LINGO2: variants seen among roughly 807,000 people sequenced by gnomAD.
LINGO2 encodes leucine rich repeat and Ig domain containing 2, also known as leucine-rich repeat and immunoglobulin-like domain-containing nogo receptor-interacting protein 2.
Under a neutral mutation model 30.6 loss-of-function variants are expected in LINGO2, and 14 were observed. The ratio of observed to expected loss-of-function variants is 0.46; its 90% CI spans 0.30 to 0.72. LINGO2 has a LOEUF of 0.72. Ranked by LOEUF, LINGO2 falls within the 30% of genes least tolerant of loss-of-function variation. The pLI is 0.07. For synonymous variants in LINGO2, 317 were observed against 288.5 expected (o/e 1.10, Z -1.00); for missense variants, 729 against 751.7 (o/e 0.97, Z 0.35).
intron 4 of LINGO2, among the ~76,000 whole-genome samples, chr9:28,292,938 C>T (rs10968444): frequency 0.072 from 10,936 of 151,146 alleles, 713 homozygotes; most frequent in East Asian, 0.39. Context: ...GCTTGGATAA[C>T]TTTTTTTGTA....
At chr9:29,152,030 A>C in the LINGO2 span, among the ~76,000 whole-genome samples, 1 of 152,204 alleles carries the variant, frequency 6.6e-6, no homozygotes, top group African/African-American at 2.4e-5. Context: ...TCTGAAAAGA[A>C]GACATACAAG....
chr9:28,848,061 A>ATATAGTG, the LINGO2 span, among the ~76,000 whole-genome samples: 3 of 49,736 alleles, frequency 6.0e-5, no homozygotes, highest in South Asian at 6.5e-4. Flanking sequence ...ATATATATAT[A>ATATAGTG]TGTATATAAT....
intron 3 of LINGO2, among the ~76,000 whole-genome samples, chr9:28,315,725 C>A (rs1824819620): frequency 6.6e-6 from 1 of 152,106 alleles, no homozygotes; most frequent in South Asian, 2.1e-4. Context: ...ATGAGAACAT[C>A]CACTGTAGTT....
At chr9:28,439,097 T>C (rs1333577040) in intron 2 of LINGO2, among the ~76,000 whole-genome samples, 1 of 147,994 alleles carries the variant, frequency 6.8e-6, no homozygotes. Context: ...CTATACATTA[T>C]ATATAATGAA....
chr9:28,817,237 T>TAA, the LINGO2 span, among the ~76,000 whole-genome samples: 2 of 148,344 alleles, frequency 1.3e-5, no homozygotes, highest in African/African-American at 5.0e-5. Flanking sequence ...TGACTTAAGA[T>TAA]AAAAAAAAAA....
At chr9:28,321,788 T>A (rs1825052367) in intron 3 of LINGO2, among the ~76,000 whole-genome samples, 1 of 152,064 alleles carries the variant, frequency 6.6e-6, no homozygotes, top group Non-Finnish European at 1.5e-5. Context: ...ATGTCCTGGG[T>A]TGGGACAAGG....
At chr9:28,294,140 A>T (rs186385787) in intron 4 of LINGO2, among the ~76,000 whole-genome samples, 1 of 152,244 alleles carries the variant, frequency 6.6e-6, no homozygotes, top group African/African-American at 2.4e-5. Flanking sequence ...TCATTAGGGA[A>T]TTGAAAGTTA....
At chr9:28,830,020 C>T in the LINGO2 span, among the ~76,000 whole-genome samples, 2 of 152,250 alleles carry the variant, frequency 1.3e-5, no homozygotes, top group African/African-American at 4.8e-5. Flanking sequence ...TATCTGACAA[C>T]AAGACAGATT....
chr9:28,382,947 AT>A (rs1234225910), intron 2 of LINGO2, among the ~76,000 whole-genome samples: 2 of 152,038 alleles, frequency 1.3e-5, no homozygotes, highest in Non-Finnish European at 2.9e-5. Flanking sequence ...ATTTGTAGAG[AT>A]TTATTTCATA....
At chr9:28,105,929 A>C (rs568178483) in intron 4 of LINGO2, among the ~76,000 whole-genome samples, 1 of 152,228 alleles carries the variant, frequency 6.6e-6, no homozygotes, top group African/African-American at 2.4e-5. Flanking sequence ...CCAGTACCCA[A>C]GTCATAGCCT....
At chr9:28,904,549 T>G in the LINGO2 span, among the ~76,000 whole-genome samples, 1 of 151,866 alleles carries the variant, frequency 6.6e-6, no homozygotes, top group African/African-American at 2.4e-5. Flanking sequence ...TGTACTGTTT[T>G]TATACACTAA....
At chr9:28,988,021 T>A in the LINGO2 span, among the ~76,000 whole-genome samples, 1 of 152,200 alleles carries the variant, frequency 6.6e-6, no homozygotes, top group African/African-American at 2.4e-5. Context: ...TTGGATGAAC[T>A]GTTTTATGCA....
chr9:28,368,338 T>C (rs1328351341), intron 3 of LINGO2, among the ~76,000 whole-genome samples: 37 of 152,142 alleles, frequency 2.4e-4, no homozygotes, highest in Admixed American at 2.4e-3. Flanking sequence ...CAGCCCACAA[T>C]AAAGCACTGA....
chr9:28,571,059 T>C (rs961541406), intron 1 of LINGO2, among the ~76,000 whole-genome samples: 2 of 151,814 alleles, frequency 1.3e-5, no homozygotes, highest in African/African-American at 4.8e-5. Context: ...AATCAGAATG[T>C]ATCATTAAAA....
the LINGO2 span, among the ~76,000 whole-genome samples, chr9:29,114,407 AT>A: frequency 9.2e-6 from 1 of 109,174 alleles, no homozygotes; most frequent in Non-Finnish European, 2.0e-5. Context: ...TATTATTATT[AT>A]TATTATTATT....
intron 1 of LINGO2, among the ~76,000 whole-genome samples, chr9:28,628,383 A>G (rs1171570660): frequency 6.6e-6 from 1 of 152,104 alleles, no homozygotes; most frequent in African/African-American, 2.4e-5. Flanking sequence ...CAATAAATTC[A>G]CATAACAGTA....
chr9:29,111,730 A>G, the LINGO2 span, among the ~76,000 whole-genome samples: 13 of 151,560 alleles, frequency 8.6e-5, no homozygotes, highest in African/African-American at 1.4e-4. Flanking sequence ...CAGACATCTA[A>G]TTAGTGAAGA....
the LINGO2 span, among the ~76,000 whole-genome samples, chr9:28,769,494 ATATATATATATATATATATATATATTT>A: frequency 6.1e-5 from 1 of 16,272 alleles, no homozygotes; most frequent in African/African-American, 4.2e-4. Context: ...ATATATATAT[ATATATATATATATATATATATATATTT>A]TTTTTTTTTT....
intron 4 of LINGO2, among the ~76,000 whole-genome samples, chr9:28,263,804 A>G (rs1822650236): frequency 6.6e-6 from 1 of 152,008 alleles, no homozygotes; most frequent in Admixed American, 6.6e-5. Context: ...TTCTTAATGA[A>G]CAGATTAATC....
Sources: allele counts gnomAD v4.1 joint callset (sites outside exome capture counted in the v4.1 genomes callset), GRCh38; gene constraint gnomAD v4.1.1; transcripts MANE v1.5; gene names NCBI Gene and HGNC (gene_info 2026-07-23, HGNC 2026-07-21).